FBXL17: variants seen among roughly 807,000 people sequenced by gnomAD.
FBXL17 encodes the protein F-box and leucine rich repeat protein 17, also known as F-box/LRR-repeat protein 17.
A neutral mutation model predicts 66.2 loss-of-function variants in FBXL17; 22 were observed. The ratio of observed to expected loss-of-function variants is 0.33; its 90% CI spans 0.24 to 0.47. The LOEUF is 0.47. FBXL17 is among the 20% of genes least tolerant of loss of function. The probability of loss-of-function intolerance (pLI) is 1.00; values close to 1 mark genes in which losing one functional copy is unlikely to be tolerated. For synonymous variants in FBXL17, 474 were observed against 400.5 expected, an observed-to-expected ratio of 1.18 and a Z score of -2.19; for missense variants, 878 against 948.2, an observed-to-expected ratio of 0.93 and a Z score of 0.97.
chr5:107,879,608 C>CA (rs529005785), intron 8 of FBXL17: 9 of 985,258 alleles, frequency 9.1e-6, no homozygotes, highest in African/African-American at 1.7e-5. Context: ...AGCCAATTAA[C>CA]AAAAAATCAC....
intron 7 of FBXL17, among the ~76,000 whole-genome samples, chr5:107,975,927 T>C (rs554048864): frequency 6.6e-6 from 1 of 150,938 alleles, no homozygotes; most frequent in Non-Finnish European, 1.5e-5. Flanking sequence ...GGTGCGATCT[T>C]GCCTCACTGC....
chr5:108,278,993 T>C (rs1226291898), intron 4 of FBXL17, among the ~76,000 whole-genome samples: 1 of 152,156 alleles, frequency 6.6e-6, no homozygotes, highest in African/African-American at 2.4e-5. Flanking sequence ...AGACTAAGGT[T>C]GGACATAAAC....
At position 108,035,369 on chromosome 5, in the gene FBXL17, G is replaced by GT. The variant is rs893324071; in HGVS notation, c.1746-14369dup. ...GGAAGAATTTTTTGTTCGTTTGTTT[G>GT]TTTTTTTCTTTTCTGAGATGGAGTG... On this transcript the variant is annotated intron_variant, in intron 6 of 8. Coordinates refer to ENST00000542267, the MANE Select transcript of FBXL17 (RefSeq NM_001163315.3). 4.5e-4 allele frequency among the ~76,000 whole-genome samples: 68 copies of GT among 152,066 alleles called. 2 individuals carry two copies. In the East Asian group the frequency reaches 9.5e-3, roughly 21 times the overall value.
chr5:108,002,264 T>C (rs1325198801), intron 7 of FBXL17, among the ~76,000 whole-genome samples: 2 of 149,996 alleles, frequency 1.3e-5, no homozygotes, highest in African/African-American at 5.0e-5. Context: ...CCTCAGGTGT[T>C]CCACCCACCT....
intron 6 of FBXL17, among the ~76,000 whole-genome samples, chr5:108,031,751 C>T (rs1746652228): frequency 6.6e-6 from 1 of 152,068 alleles, no homozygotes; most frequent in Non-Finnish European, 1.5e-5. Flanking sequence ...GATGATACTT[C>T]ACTACACCTG....
chr5:107,878,421 C>A lies in FBXL17; in HGVS notation c.1965+2616G>T, dbSNP rs1158515442. ...TCTAAGTGCTTTATGTATGTTAACT[C>A]ATTCACATGCTCACAATTCTACAAG... On this transcript the variant is annotated intron_variant, in intron 8 of 8. Transcript: ENST00000542267. 10 of 612,268 alleles carry A rather than the reference C, an allele frequency of 1.6e-5. No individual in the cohort carries two copies. The East Asian group carries it at 1.4e-3, about 86-fold the overall frequency. The allele number at this position is 612,268 out of a possible 1,614,324, so 37.9% of individuals were successfully genotyped here. A position where few individuals can be genotyped will look rare whatever the true frequency, so the allele number is the denominator to read the frequency against.
intron 7 of FBXL17, among the ~76,000 whole-genome samples, chr5:107,986,302 T>C (rs961651954): frequency 1.3e-5 from 2 of 151,938 alleles, no homozygotes; most frequent in Admixed American, 6.6e-5. Context: ...AATAGACTTA[T>C]TTTGTTAGCA....
At chr5:107,997,869 T>C (rs1275383836) in intron 7 of FBXL17, among the ~76,000 whole-genome samples, 2 of 152,210 alleles carry the variant, frequency 1.3e-5, no homozygotes, top group Non-Finnish European at 2.9e-5. Context: ...ACTGATTGCA[T>C]ATTTGCCACA....
intron 7 of FBXL17, among the ~76,000 whole-genome samples, chr5:107,976,616 AAAC>A (rs1396817624): frequency 6.6e-6 from 1 of 152,200 alleles, no homozygotes; most frequent in African/African-American, 2.4e-5. Context: ...TGCCTGTTCT[AAAC>A]AACAATGAAG....
intron 7 of FBXL17, among the ~76,000 whole-genome samples, chr5:107,908,108 T>C (rs1749824919): frequency 6.6e-6 from 1 of 152,140 alleles, no homozygotes; most frequent in East Asian, 1.9e-4. Flanking sequence ...TGGAATACTA[T>C]GCAGCCATAA....
chr5:108,381,616 G>C lies in FBXL17; in HGVS notation c.76C>G (p.Arg26Gly). The change falls in exon 1 of 9, where the codon CGC becomes GGC. Residue 26 changes from arginine to glycine, a missense_variant. By Grantham distance (125) the Arg-to-Gly change is moderately radical. Transcript: ENST00000542267. Reference sequence around the variant, plus strand: ...GGCAGCCTGAGGAGAGGGCGCCGGCGGCGGCACCAACTGCAACAGCGAGGC... The same window carrying C: ...GGCAGCCTGAGGAGAGGGCGCCGGCCGCGGCACCAACTGCAACAGCGAGGC... ...KRPRCCSWCR[R>G]RRPLLRLPRR... 1.3e-6 allele frequency: 2 copies of C among 1,487,264 alleles called. No individual in the cohort carries two copies. The allele number at this position is 1,487,264 out of a possible 1,614,324, so 92.1% of individuals were successfully genotyped here. A position where few individuals can be genotyped will look rare whatever the true frequency, so the allele number is the denominator to read the frequency against.
chr5:108,259,593 G>A (rs1040489131), intron 4 of FBXL17, among the ~76,000 whole-genome samples: 16 of 151,804 alleles, frequency 1.1e-4, no homozygotes, highest in Non-Finnish European at 2.2e-4. Context: ...CTTTGTGAAA[G>A]GGCTTTGTAA....
At chr5:107,864,731 A>T (rs1748225094) in intron 8 of FBXL17, among the ~76,000 whole-genome samples, 1 of 152,172 alleles carries the variant, frequency 6.6e-6, no homozygotes. Context: ...GCCTTCCACC[A>T]TGACTGGAAG....
intron 4 of FBXL17, among the ~76,000 whole-genome samples, chr5:108,273,721 T>C (rs1757370739): frequency 6.6e-6 from 1 of 152,150 alleles, no homozygotes; most frequent in Non-Finnish European, 1.5e-5. Flanking sequence ...CAAAATTAGT[T>C]GATTTGATAT....
intron 6 of FBXL17, among the ~76,000 whole-genome samples, chr5:108,137,437 C>A (rs902686001): frequency 6.6e-6 from 1 of 152,088 alleles, no homozygotes; most frequent in Non-Finnish European, 1.5e-5. Flanking sequence ...CAACACCCAC[C>A]TTCACAGAAT....
chr5:108,061,952 A>G (rs1038124753), intron 6 of FBXL17, among the ~76,000 whole-genome samples: 2 of 151,976 alleles, frequency 1.3e-5, no homozygotes, highest in Non-Finnish European at 2.9e-5. Flanking sequence ...GCCCGCATAC[A>G]TAAGTGTGAT....
intron 7 of FBXL17, among the ~76,000 whole-genome samples, chr5:107,970,798 C>T (rs969022902): frequency 1.3e-5 from 2 of 152,220 alleles, no homozygotes; most frequent in South Asian, 2.1e-4. Flanking sequence ...GAAAAACTAC[C>T]TGTGCTCCCA....
At chr5:108,149,721 T>A (rs1751695057) in intron 6 of FBXL17, among the ~76,000 whole-genome samples, 2 of 152,208 alleles carry the variant, frequency 1.3e-5, no homozygotes, top group Admixed American at 6.5e-5. Context: ...ATCCATTAAT[T>A]TACTGTGAAC....
chr5:107,879,505 G>GGCTGA (rs1748713593), intron 8 of FBXL17: 1 of 985,306 alleles, frequency 1.0e-6, no homozygotes, highest in African/African-American at 1.7e-5. Context: ...TTCTGGGCTG[G>GGCTGA]GCTGAGAATA....
Sources: gnomAD v4.1 joint callset for allele counts (sites outside exome capture counted in the v4.1 genomes callset) on GRCh38, gnomAD v4.1.1 for gene constraint, MANE v1.5 for transcripts, NCBI Gene and HGNC (gene_info 2026-07-23, HGNC 2026-07-21) for gene names.